PDZRN3: variants seen among roughly 807,000 people sequenced by gnomAD.
PDZRN3 encodes E3 ubiquitin-protein ligase PDZRN3.
A neutral mutation model predicts 85.7 loss-of-function variants in PDZRN3; 38 were observed. That is an observed-to-expected ratio of 0.44 (90% CI 0.34 to 0.58). The LOEUF is 0.58. PDZRN3 is among the 20% of genes least tolerant of loss of function. The probability of loss-of-function intolerance (pLI) is 0.01; values close to 1 mark genes in which losing one functional copy is unlikely to be tolerated. For missense variants in PDZRN3, 1,629 were observed against 1,506.4 expected (o/e 1.08, Z -1.35); for synonymous variants, 759 against 638.0 (o/e 1.19, Z -2.86).
chr3:73,567,389 TA>T (rs1255005581), intron 3 of PDZRN3, among the ~76,000 whole-genome samples: 1 of 152,136 alleles, frequency 6.6e-6, no homozygotes, highest in Non-Finnish European at 1.5e-5. Context: ...AATCTGTTTT[TA>T]AAAAAATGCC....
Position 73,451,825 on chromosome 3 carries a change from T to A in PDZRN3, c.919-47430A>T, listed in dbSNP as rs538496197. 2.0e-5 allele frequency among the ~76,000 whole-genome samples: 3 copies of A among 151,084 alleles called. No individual in the cohort carries two copies. The East Asian group carries it at 5.8e-4, about 29-fold the overall frequency. ...GGTCATCAGCTTTCTGCCTATTGAA[T>A]CCCGCAGATGCTCTAGCTTCTCATC... On this transcript the variant is annotated intron_variant, in intron 3 of 9. Coordinates refer to ENST00000263666, the MANE Select transcript of PDZRN3 (RefSeq NM_015009.3).
chr3:73,474,777 T>C (rs1443972323), intron 3 of PDZRN3: 1 of 313,658 alleles, frequency 3.2e-6, no homozygotes, highest in South Asian at 4.0e-5. Context: ...CCATAAGGTA[T>C]TAAGAAAGGA....
intron 3 of PDZRN3, among the ~76,000 whole-genome samples, chr3:73,432,542 G>C (rs968208044): frequency 1.3e-5 from 2 of 152,054 alleles, no homozygotes; most frequent in African/African-American, 4.8e-5. Context: ...TGTTCACCCA[G>C]GGTCATTTTA....
intron 3 of PDZRN3, among the ~76,000 whole-genome samples, chr3:73,580,203 G>A (rs1702178636): frequency 6.6e-6 from 1 of 152,112 alleles, no homozygotes; most frequent in Non-Finnish European, 1.5e-5. Context: ...CTTAACAGAG[G>A]TTCACGAATG....
At chr3:73,433,922 G>A (rs1702482464) in intron 3 of PDZRN3, 8 of 1,418,566 alleles carry the variant, frequency 5.6e-6, no homozygotes, top group East Asian at 5.1e-5. Flanking sequence ...ATGCATGCAC[G>A]CGCGTGCACA....
chr3:73,422,131 G>C (rs1303431021), intron 3 of PDZRN3, among the ~76,000 whole-genome samples: 2 of 152,252 alleles, frequency 1.3e-5, no homozygotes, highest in Non-Finnish European at 2.9e-5. Context: ...CTTGAGGGCA[G>C]GGACTTTTCT....
chr3:73,507,008 AG>A (rs2106698211), intron 3 of PDZRN3, among the ~76,000 whole-genome samples: 1 of 152,364 alleles, frequency 6.6e-6, no homozygotes, highest in African/African-American at 2.4e-5. Flanking sequence ...GCACAGGCAT[AG>A]GTTGAATACT....
chr3:73,535,092 T>C (rs1221853191), intron 3 of PDZRN3, among the ~76,000 whole-genome samples: 2 of 152,122 alleles, frequency 1.3e-5, no homozygotes, highest in African/African-American at 4.8e-5. Flanking sequence ...GTCTGCCGTG[T>C]TGTCTTTTCC....
intron 3 of PDZRN3, among the ~76,000 whole-genome samples, chr3:73,430,533 C>T (rs1702410919): frequency 6.6e-6 from 1 of 152,184 alleles, no homozygotes; most frequent in Admixed American, 6.5e-5. Flanking sequence ...TCTTCCTGGC[C>T]TCCATTGGAA....
intron 3 of PDZRN3, among the ~76,000 whole-genome samples, chr3:73,523,205 T>C (rs1279621550): frequency 6.6e-6 from 1 of 152,066 alleles, no homozygotes; most frequent in African/African-American, 2.4e-5. Flanking sequence ...TTTTGTACTT[T>C]TGGTAGAGAC....
intron 3 of PDZRN3, among the ~76,000 whole-genome samples, chr3:73,446,359 C>T (rs141287046): frequency 2.9e-4 from 44 of 152,278 alleles, no homozygotes; most frequent in African/African-American, 9.9e-4. Flanking sequence ...AGCTAATGAC[C>T]AATCATACCG....
chr3:73,623,244 TTTCG>T, intron 1 of PDZRN3, among the ~76,000 whole-genome samples: 1 of 152,198 alleles, frequency 6.6e-6, no homozygotes. Context: ...GACAAAAACC[TTTCG>T]CACTGAGGGA....
intron 3 of PDZRN3, among the ~76,000 whole-genome samples, chr3:73,512,133 T>G (rs1177746143): frequency 6.6e-6 from 1 of 152,232 alleles, no homozygotes; most frequent in Non-Finnish European, 1.5e-5. Flanking sequence ...ATCAAGTGTG[T>G]TCCTGTGAGT....
At chr3:73,421,882 C>G (rs763174570) in intron 3 of PDZRN3, among the ~76,000 whole-genome samples, 3 of 152,132 alleles carry the variant, frequency 2.0e-5, no homozygotes, top group African/African-American at 7.2e-5. Flanking sequence ...CCCCTGACCT[C>G]GTGATCTCCC....
At chr3:73,405,682 C>T (rs1368695658) in intron 3 of PDZRN3, among the ~76,000 whole-genome samples, 1 of 152,216 alleles carries the variant, frequency 6.6e-6, no homozygotes, top group Non-Finnish European at 1.5e-5. Flanking sequence ...TAATAGTCCA[C>T]TCTTGCAATG....
chr3:73,468,660 G>A (rs923500454), intron 3 of PDZRN3, among the ~76,000 whole-genome samples: 14 of 152,152 alleles, frequency 9.2e-5, no homozygotes, highest in Non-Finnish European at 2.1e-4. Flanking sequence ...TATTTAACAA[G>A]CTTTAAATAA....
At position 73,388,130 on chromosome 3, in the gene PDZRN3, C is replaced by A. The variant is rs138880346; in HGVS notation, c.1417-61G>T. 9.6e-5 allele frequency: 75 copies of A among 782,048 alleles called. 1 individual carries two copies. In the African/African-American group the frequency reaches 1.2e-3, roughly 13 times the overall value. 48.4% of individuals were successfully genotyped at this position (782,048 alleles called of 1,614,324 possible). ...AGACAAATAGCATGATTAGATGGTG[C>A]AAAATCATTCTATTTTATTTCAGAC... On this transcript the variant is annotated intron_variant, in intron 7 of 9. Transcript: ENST00000263666.
intron 5 of PDZRN3, among the ~76,000 whole-genome samples, chr3:73,396,089 G>C (rs983940913): frequency 3.9e-5 from 6 of 152,160 alleles, no homozygotes; most frequent in African/African-American, 1.4e-4. Context: ...CAGGTATGGT[G>C]GCACATACCT....
At chr3:73,445,593 ATAAG>A (rs1368802263) in intron 3 of PDZRN3, among the ~76,000 whole-genome samples, 7 of 152,378 alleles carry the variant, frequency 4.6e-5, no homozygotes, top group East Asian at 1.9e-4. Flanking sequence ...ACTTCAGAGA[ATAAG>A]TAAGTAAACA....
Sources: gnomAD v4.1 joint callset for allele counts (sites outside exome capture counted in the v4.1 genomes callset) on GRCh38, gnomAD v4.1.1 for gene constraint, MANE v1.5 for transcripts, NCBI Gene and HGNC (gene_info 2026-07-23, HGNC 2026-07-21) for gene names.